UBE2E2: variants seen among roughly 807,000 people sequenced by gnomAD.
The protein encoded by UBE2E2 is ubiquitin conjugating enzyme E2 E2.
UBE2E2 carries 6 observed loss-of-function variants against 24.7 expected under a neutral mutation model. That is an observed-to-expected ratio of 0.24 (90% CI 0.13 to 0.48). The LOEUF (loss-of-function observed/expected upper bound fraction) is 0.48. UBE2E2 is among the 20% of genes least tolerant of loss of function. The probability of loss-of-function intolerance (pLI) is 0.99; values close to 1 mark genes in which losing one functional copy is unlikely to be tolerated. For missense variants in UBE2E2, 169 were observed against 245.0 expected (o/e 0.69, Z 2.07); for synonymous variants, 104 against 83.6 (o/e 1.24, Z -1.33).
chr3:23,304,801 A>G (rs1559341086), intron 3 of UBE2E2, among the ~76,000 whole-genome samples: 1 of 152,098 alleles, frequency 6.6e-6, no homozygotes, highest in Admixed American at 6.6e-5. Flanking sequence ...ATTGAAATCT[A>G]CCAGCCTGCC....
At chr3:23,258,907 A>AG (rs1320544345) in intron 3 of UBE2E2, among the ~76,000 whole-genome samples, 1 of 150,552 alleles carries the variant, frequency 6.6e-6, no homozygotes, top group Non-Finnish European at 1.5e-5. Flanking sequence ...AAAGAAAAAA[A>AG]AAAAAAAAAA....
intron 3 of UBE2E2, among the ~76,000 whole-genome samples, chr3:23,320,592 T>C (rs1694714190): frequency 6.6e-6 from 1 of 152,210 alleles, no homozygotes; most frequent in South Asian, 2.1e-4. Flanking sequence ...AATCGTCTTT[T>C]AGTTAACATA....
chr3:23,452,763 G>GCC (rs1698593815), intron 3 of UBE2E2, among the ~76,000 whole-genome samples: 1 of 152,126 alleles, frequency 6.6e-6, no homozygotes, highest in Non-Finnish European at 1.5e-5. Context: ...CAGGAGGTCT[G>GCC]GTGAGGGCAG....
intron 3 of UBE2E2, among the ~76,000 whole-genome samples, chr3:23,326,210 T>A (rs1463865911): frequency 6.6e-6 from 1 of 152,180 alleles, no homozygotes; most frequent in Non-Finnish European, 1.5e-5. Flanking sequence ...TAGCTGGGAT[T>A]ACAGGCGCCT....
intron 3 of UBE2E2, among the ~76,000 whole-genome samples, chr3:23,303,299 A>G (rs951415656): frequency 9.2e-5 from 14 of 152,252 alleles, no homozygotes; most frequent in Admixed American, 3.9e-4. Context: ...ATATATTACA[A>G]TGTAATAATA....
At chr3:23,553,951 G>C (rs1361279377) in intron 5 of UBE2E2, among the ~76,000 whole-genome samples, 1 of 152,030 alleles carries the variant, frequency 6.6e-6, no homozygotes, top group African/African-American at 2.4e-5. Flanking sequence ...AATTAATATT[G>C]TTAAAATGCC....
chr3:23,306,616 G>C (rs1344645738), intron 3 of UBE2E2, among the ~76,000 whole-genome samples: 1 of 152,154 alleles, frequency 6.6e-6, no homozygotes, highest in Admixed American at 6.5e-5. Flanking sequence ...ATATTGCTTA[G>C]TGGCACTGAT....
chr3:23,309,803 G>C (rs1022258245), intron 3 of UBE2E2, among the ~76,000 whole-genome samples: 1 of 152,188 alleles, frequency 6.6e-6, no homozygotes, highest in East Asian at 1.9e-4. Flanking sequence ...GGTTGATGCT[G>C]GTTTTTGGCA....
At chr3:23,467,397 T>C (rs1159689017) in intron 3 of UBE2E2, among the ~76,000 whole-genome samples, 1 of 152,174 alleles carries the variant, frequency 6.6e-6, no homozygotes, top group Non-Finnish European at 1.5e-5. Context: ...CTAGAAACAA[T>C]GTGAATTTTG....
chr3:23,517,670 C>G (rs899429831), intron 4 of UBE2E2, among the ~76,000 whole-genome samples: 2 of 152,018 alleles, frequency 1.3e-5, no homozygotes, highest in African/African-American at 2.4e-5. Context: ...TTTTGCTAGC[C>G]TGTCTACAAA....
At chr3:23,450,082 T>G (rs1698528620) in intron 3 of UBE2E2, 1 of 217,802 alleles carries the variant, frequency 4.6e-6, no homozygotes, top group Non-Finnish European at 7.8e-6. Context: ...CGTCTTCCTT[T>G]TCATCCCTTA....
chr3:23,359,242 G>A (rs931731087), intron 3 of UBE2E2, among the ~76,000 whole-genome samples: 2 of 152,130 alleles, frequency 1.3e-5, no homozygotes, highest in African/African-American at 4.8e-5. Context: ...TAAGGGGAAT[G>A]GCAGAGTGCT....
chr3:23,561,680 G>C (rs553544903), intron 5 of UBE2E2, among the ~76,000 whole-genome samples: 5 of 151,640 alleles, frequency 3.3e-5, no homozygotes, highest in Admixed American at 3.3e-4. Context: ...CCATTTTCAC[G>C]ATACTGATTC....
At chr3:23,573,299 A>T (rs1337079618) in intron 5 of UBE2E2, among the ~76,000 whole-genome samples, 1 of 152,232 alleles carries the variant, frequency 6.6e-6, no homozygotes, top group Non-Finnish European at 1.5e-5. Flanking sequence ...AGTGCAGTGA[A>T]TATAGAGAGC....
At chr3:23,362,189 G>A (rs1696135811) in intron 3 of UBE2E2, among the ~76,000 whole-genome samples, 1 of 152,162 alleles carries the variant, frequency 6.6e-6, no homozygotes, top group South Asian at 2.1e-4. Context: ...CATCAAGGCA[G>A]CAGGGGGACA....
chr3:23,455,315 T>G (rs1303305953), intron 3 of UBE2E2, among the ~76,000 whole-genome samples: 1 of 152,094 alleles, frequency 6.6e-6, no homozygotes, highest in African/African-American at 2.4e-5. Flanking sequence ...GTCACACAAA[T>G]TTTTTGGTTT....
At chr3:23,548,600 C>G (rs561562864) in intron 5 of UBE2E2, among the ~76,000 whole-genome samples, 1 of 152,282 alleles carries the variant, frequency 6.6e-6, no homozygotes, top group Admixed American at 6.5e-5. Context: ...AATCCCTTTT[C>G]CCGTTAGCTG....
At chr3:23,523,094 A>C (rs917224120) in intron 4 of UBE2E2, among the ~76,000 whole-genome samples, 7 of 152,214 alleles carry the variant, frequency 4.6e-5, no homozygotes, top group Admixed American at 1.3e-4. Context: ...TTTAAAAAAA[A>C]CACAAATTTA....
intron 3 of UBE2E2, among the ~76,000 whole-genome samples, chr3:23,291,077 A>AAAC (rs1553599204): frequency 6.8e-6 from 1 of 146,696 alleles, no homozygotes; most frequent in Non-Finnish European, 1.5e-5. Context: ...TTTAAAAAAA[A>AAAC]AAAACAAAAA....
Sources: gnomAD v4.1 joint callset for allele counts (sites outside exome capture counted in the v4.1 genomes callset) on GRCh38, gnomAD v4.1.1 for gene constraint, MANE v1.5 for transcripts, NCBI Gene and HGNC (gene_info 2026-07-23, HGNC 2026-07-21) for gene names.